DLGAP2: variants seen among roughly 807,000 people sequenced by gnomAD.
DLGAP2 encodes DLG associated protein 2.
A neutral mutation model predicts 100.3 loss-of-function variants in DLGAP2; 26 were observed. The observed-to-expected ratio is 0.26, with a 90% CI of 0.19 to 0.36. The LOEUF is 0.36. DLGAP2 is among the 10% of genes least tolerant of loss of function. The pLI is 1.00. For synonymous variants in DLGAP2, 886 were observed against 630.1 expected, an observed-to-expected ratio of 1.41 and a Z score of -6.08; for missense variants, 1,858 against 1,453.2, an observed-to-expected ratio of 1.28 and a Z score of -4.53.
rs557557852 is a variant in DLGAP2 at position 984,809 on chromosome 8, C to G, written c.73+76843C>G. Among the ~76,000 whole-genome samples the G allele has an allele frequency of 2.0e-5, 3 of 152,232 alleles. No homozygotes were observed. The South Asian group carries it at 6.2e-4, about 32-fold the overall frequency. On this transcript the variant is annotated intron_variant, in intron 2 of 14. Transcript: ENST00000637795. ...AAGTGATTGGTTAGGACAATGAATGCAAGTGGCATAAACAAATGCACCTGA... is the reference window on the plus strand; with the variant it reads ...AAGTGATTGGTTAGGACAATGAATGGAAGTGGCATAAACAAATGCACCTGA...
chr8:1,301,883 A>G (rs1416999829), intron 3 of DLGAP2: 1 of 152,364 alleles, frequency 6.6e-6, no homozygotes, highest in East Asian at 1.9e-4. Context: ...ACACAACACG[A>G]CATTTGCCGC....
intron 2 of DLGAP2, among the ~76,000 whole-genome samples, chr8:1,221,981 A>G (rs62486896): frequency 0.021 from 3,197 of 152,260 alleles, 41 homozygotes; most frequent in Admixed American, 0.032. Flanking sequence ...GTTGTCGTTC[A>G]ACTGTTGGAC....
intron 3 of DLGAP2, among the ~76,000 whole-genome samples, chr8:1,268,712 G>A (rs1799519834): frequency 6.6e-6 from 1 of 152,182 alleles, no homozygotes; most frequent in South Asian, 2.1e-4. Context: ...CTCTGCAGAA[G>A]CCACATTATC....
rs1027207096 is a variant in DLGAP2 at position 1,706,169 on chromosome 8, G to C, written c.*4763G>C. 3 of 152,220 alleles carry C rather than the reference G, an allele frequency of 2.0e-5. No homozygotes were observed. Among genetic ancestry groups the C allele is most frequent in the Admixed American group, 6.5e-5 (1 of 15,284 alleles). The allele number at this position is 152,220 out of a possible 1,614,324, so 9.4% of individuals were successfully genotyped here. The stretch of plus-strand genomic sequence containing the variant: ...TGCAGGGTGGCAGCAGAATGTTCTG[G>C]AAATGAAGGAGATATTGCTAGGAAT... On this transcript the variant is annotated 3_prime_UTR_variant, in exon 15 of 15. Coordinates refer to ENST00000637795, the MANE Select transcript of DLGAP2 (RefSeq NM_001346810.2).
rs115991771 is a variant in DLGAP2 at position 1,519,889 on chromosome 8, G to A, written c.172+18458G>A. On this transcript the variant is annotated intron_variant, in intron 4 of 14. Transcript: ENST00000637795. ...AGAGCAGGGGAGCATGGGTGGGGTG[G>A]GGATCCTAGACCAAAGGGGCGTGGC... Among the ~76,000 whole-genome samples the A allele has an allele frequency of 4.0e-3, 615 of 152,356 alleles. 4 individuals carry two copies. The highest frequency in any genetic ancestry group is 0.014 in the African/African-American group (588 of 41,578).
At chr8:1,091,534 C>T (rs1401035833) in intron 2 of DLGAP2, among the ~76,000 whole-genome samples, 1 of 152,248 alleles carries the variant, frequency 6.6e-6, no homozygotes, top group East Asian at 1.9e-4. Flanking sequence ...CCTGCGCCCA[C>T]CTATGTGTGT....
chr8:1,219,262 A>G (rs931990414), intron 2 of DLGAP2, among the ~76,000 whole-genome samples: 1 of 152,220 alleles, frequency 6.6e-6, no homozygotes, highest in African/African-American at 2.4e-5. Context: ...TGGTTTTGTC[A>G]TAGATGGCTC....
At chr8:1,379,486 C>G (rs73170500) in intron 3 of DLGAP2, 1 of 152,292 alleles carries the variant, frequency 6.6e-6, no homozygotes, top group African/African-American at 2.4e-5. Context: ...ATTTCCTCCT[C>G]CCGCTTCCTT....
intron 3 of DLGAP2, among the ~76,000 whole-genome samples, chr8:1,341,620 A>T (rs192811068): frequency 6.6e-6 from 1 of 152,278 alleles, no homozygotes; most frequent in Admixed American, 6.5e-5. Flanking sequence ...TTTCCCCATA[A>T]TCTTTGCAGG....
chr8:926,081 C>T (rs919999156), intron 2 of DLGAP2, among the ~76,000 whole-genome samples: 6 of 152,160 alleles, frequency 3.9e-5, no homozygotes, highest in African/African-American at 1.2e-4. Flanking sequence ...CTGACGCTTT[C>T]ATGTCTGGGC....
intron 2 of DLGAP2, among the ~76,000 whole-genome samples, chr8:1,114,414 G>C (rs1805054153): frequency 6.6e-6 from 1 of 151,970 alleles, no homozygotes; most frequent in Admixed American, 6.6e-5. Flanking sequence ...GCTTCTTCCT[G>C]GTTCAGTCTT....
In DLGAP2 at chr8:1,549,141, C is replaced by A. The variant is rs1391523525; in HGVS notation, c.688C>A (p.Arg230Ser). Residue 230 changes from arginine (R) to serine (S), a missense_variant, in exon 5 of 15, where the codon CGC (arginine) becomes AGC (serine). Coordinates refer to ENST00000637795, the MANE Select transcript of DLGAP2 (RefSeq NM_001346810.2). ...EQRSESPGRIRHLVHSVQKLF... is the reference protein window; with the variant it reads ...EQRSESPGRISHLVHSVQKLF... ...GCGCAGCGAGAGCCCCGGGCGGATC[C>A]GCCACCTGGTACACTCCGTGCAGAA... is the stretch of plus-strand genomic sequence containing the variant. 1.3e-6 allele frequency: 2 copies of A among 1,592,442 alleles called. No homozygotes were observed. Among genetic ancestry groups the A allele is most frequent in the Non-Finnish European group, 1.7e-6 (2 of 1,171,142 alleles).
chr8:874,556 T>A (rs1472539734), intron 1 of DLGAP2, among the ~76,000 whole-genome samples: 2 of 152,246 alleles, frequency 1.3e-5, no homozygotes, highest in African/African-American at 4.8e-5. Context: ...TCCATTGTGA[T>A]TAGAGAAAAC....
At chr8:1,363,185 C>T (rs1214367241) in intron 3 of DLGAP2, among the ~76,000 whole-genome samples, 1 of 152,250 alleles carries the variant, frequency 6.6e-6, no homozygotes. Context: ...GCTGCGGGCA[C>T]CAGCCTTCCT....
chr8:1,125,169 G>C (rs1031570745), intron 2 of DLGAP2, among the ~76,000 whole-genome samples: 1 of 152,200 alleles, frequency 6.6e-6, no homozygotes, highest in Non-Finnish European at 1.5e-5. Flanking sequence ...GCATGGCCTT[G>C]CATTGACAAA....
intron 3 of DLGAP2, among the ~76,000 whole-genome samples, chr8:1,435,286 C>T (rs1428668460): frequency 6.6e-6 from 1 of 152,168 alleles, no homozygotes; most frequent in African/African-American, 2.4e-5. Flanking sequence ...GAGTTAAGTG[C>T]CATCCATCGG....
At chr8:1,217,840 A>C (rs772942334) in intron 2 of DLGAP2, among the ~76,000 whole-genome samples, 1 of 152,082 alleles carries the variant, frequency 6.6e-6, no homozygotes, top group African/African-American at 2.4e-5. Flanking sequence ...TTTGATATGC[A>C]TTTCTATAAT....
At chr8:950,542 A>G (rs1799451976) in intron 2 of DLGAP2, among the ~76,000 whole-genome samples, 1 of 152,158 alleles carries the variant, frequency 6.6e-6, no homozygotes. Flanking sequence ...AGCGAAATCT[A>G]AACCTGACCT....
chr8:1,227,162 A>G (rs1798436865), intron 2 of DLGAP2, among the ~76,000 whole-genome samples: 1 of 137,328 alleles, frequency 7.3e-6, no homozygotes, highest in Non-Finnish European at 1.5e-5. Context: ...AGATATATAT[A>G]TATATATATA....
Sources: gnomAD v4.1 joint callset for allele counts (sites outside exome capture counted in the v4.1 genomes callset) on GRCh38, gnomAD v4.1.1 for gene constraint, MANE v1.5 for transcripts, NCBI Gene and HGNC (gene_info 2026-07-23, HGNC 2026-07-21) for gene names.